The following ABL1 variants were observed in gnomAD, a reference collection of about 807,000 sequenced individuals.
ABL1 encodes the protein tyrosine-protein kinase ABL1.
Under a neutral mutation model 94.7 loss-of-function variants are expected in ABL1, and 11 were observed. That is an observed-to-expected ratio of 0.12 (90% confidence interval 0.07 to 0.19). The LOEUF (loss-of-function observed/expected upper bound fraction) is 0.19. Ranked by LOEUF, ABL1 falls within the 10% of genes least tolerant of loss-of-function variation. ABL1 has a pLI of 1.00. For missense variants in ABL1, 1,082 were observed against 1,489.4 expected, an observed-to-expected ratio of 0.73 and a Z score of 4.50; for synonymous variants, 656 against 622.4, an observed-to-expected ratio of 1.05 and a Z score of -0.80.
Position 130,886,781 on chromosome 9 carries a change from A to T in ABL1, c.*1098A>T, listed in dbSNP as rs1588284877. On this transcript the variant is annotated 3_prime_UTR_variant, in exon 11 of 11. Coordinates refer to ENST00000318560, the MANE Select transcript of ABL1 (RefSeq NM_005157.6). ...GCATTTCAAAGCCCTGCCTCTGTGT[A>T]GCCGCCCTGAGAGAGAATAGAGCTG... 8 of 233,496 alleles carry T rather than the reference A, an allele frequency of 3.4e-5. 1 individual carries two copies. The East Asian group carries it at 4.8e-4, about 14-fold the overall frequency. 14.5% of individuals were successfully genotyped at this position (233,496 alleles called of 1,614,324 possible). A position where few individuals can be genotyped will look rare whatever the true frequency, so the allele number is the denominator to read the frequency against.
At chr9:130,873,142 A>T in intron 6 of ABL1, 105 bp downstream of exon 6, 1 of 1,201,432 alleles carries the variant, frequency 8.3e-7, no homozygotes, top group Non-Finnish European at 1.1e-6. Context: ...CGCAGCTTCT[A>T]ACCTCAGTGC....
intron 1 of ABL1, among the ~76,000 whole-genome samples, chr9:130,838,452 A>G (rs1032805492): frequency 6.6e-6 from 1 of 152,230 alleles, no homozygotes; most frequent in Non-Finnish European, 1.5e-5. Flanking sequence ...CTTGTATGTA[A>G]GAAATCCTAA....
intron 1 of ABL1, among the ~76,000 whole-genome samples, chr9:130,743,331 C>G (rs554584061): frequency 2.6e-5 from 4 of 152,316 alleles, no homozygotes; most frequent in Admixed American, 1.3e-4. Flanking sequence ...TCTTGGCCTC[C>G]CAAAGTGCTG....
intron 1 of ABL1, among the ~76,000 whole-genome samples, chr9:130,740,898 C>G (rs1002143712): frequency 1.3e-5 from 2 of 149,964 alleles, no homozygotes; most frequent in African/African-American, 4.9e-5. Context: ...ATCCTCCTAC[C>G]TCGGCCTCAC....
At chr9:130,764,344 A>G (rs918161981) in intron 1 of ABL1, among the ~76,000 whole-genome samples, 3 of 152,208 alleles carry the variant, frequency 2.0e-5, no homozygotes. Flanking sequence ...TTCAAGTTTT[A>G]TTTCATTATT....
At chr9:130,779,729 G>A (rs1829731603) in intron 1 of ABL1, among the ~76,000 whole-genome samples, 1 of 152,112 alleles carries the variant, frequency 6.6e-6, no homozygotes, top group Admixed American at 6.5e-5. Context: ...GTGTTATGTG[G>A]GGAGTTACTT....
rs938024622 is a variant in ABL1, at chr9:130,876,793, G to A, written c.1271-1622G>A. Among the ~76,000 whole-genome samples, 11 of 133,942 alleles carry A rather than the reference G, an allele frequency of 8.2e-5. 1 individual carries two copies. Among genetic ancestry groups the A allele is most frequent in the Non-Finnish European group, 1.7e-4 (11 of 64,632 alleles). The allele number at this position is 133,942 out of a possible 152,430, so 87.9% of individuals were successfully genotyped here. A position where few individuals can be genotyped will look rare whatever the true frequency, so the allele number is the denominator to read the frequency against. ...ACTCTGTCGCCCAGGCTGGAGTGCA[G>A]TGGCATGATCTCAGCTCACTGCAAG... On this transcript the variant is annotated intron_variant, in intron 7 of 10. Transcript: ENST00000318560.
intron 1 of ABL1, among the ~76,000 whole-genome samples, chr9:130,776,692 C>T (rs7864799): frequency 0.4 from 61,076 of 151,798 alleles, 12,640 homozygotes; most frequent in Middle Eastern, 0.51. Context: ...GGGGGAGTTG[C>T]AGGGCTAGTG....
In ABL1 at chr9:130,880,532, C is replaced by T. The variant is rs759795929; in HGVS notation, c.1546C>T (p.Arg516Cys). The change falls in exon 10 of 11, where the codon CGT (arginine) becomes TGT (cysteine). Residue 516 changes from arginine (R) to cysteine (C), a missense_variant. By Grantham distance (180) the Arg-to-Cys change is radical. Around this residue, in one of 7 missense-constraint regions of ABL1, gnomAD observed 780 missense variants for 835.8 expected, o/e 0.93. Transcript: ENST00000318560. The surrounding 1 kb of genome is among the most constrained non-coding windows in gnomAD (Gnocchi z 4.4). ...AAAGGAGCTGGGGAAACAAGGCGTC[C>T]GTGGGGCTGTGAGTACCTTGCTGCA... Reference protein sequence around the residue: ...VEKELGKQGVRGAVSTLLQAP... With the variant: ...VEKELGKQGVCGAVSTLLQAP... 35 of 1,613,818 alleles carry T rather than the reference C, an allele frequency of 2.2e-5. No individual in the cohort carries two copies. The highest frequency in any genetic ancestry group is 3.3e-5 in the Admixed American group (2 of 59,964).
In ABL1 at chr9:130,862,611, G is replaced by A; in HGVS notation, c.550-152G>A. 1 of 854,630 alleles carries A rather than the reference G, an allele frequency of 1.2e-6. No individual in the cohort carries two copies. Among genetic ancestry groups the A allele is most frequent in the Non-Finnish European group, 1.8e-6 (1 of 567,542 alleles). The allele number at this position is 854,630 out of a possible 1,614,324, so 52.9% of individuals were successfully genotyped here. A position where few individuals can be genotyped will look rare whatever the true frequency, so the allele number is the denominator to read the frequency against. On this transcript the variant is annotated intron_variant, in intron 3 of 10. Transcript: ENST00000318560. The surrounding 1 kb of genome is among the most constrained non-coding windows in gnomAD (Gnocchi z 5.5). ...AGAGCACACGTAGAGAAAGACAGCA[G>A]AAGTGATCTTCTAAACACTCTGTCC...
chr9:130,766,422 G>C (rs145870659), intron 1 of ABL1, among the ~76,000 whole-genome samples: 1 of 152,340 alleles, frequency 6.6e-6, no homozygotes, highest in East Asian at 1.9e-4. Context: ...GGTGGCTTCT[G>C]ACAGGGAGCT....
At chr9:130,823,474 T>C (rs1433746917) in intron 1 of ABL1, among the ~76,000 whole-genome samples, 1 of 152,216 alleles carries the variant, frequency 6.6e-6, no homozygotes, top group Non-Finnish European at 1.5e-5. Context: ...ACAAGCGAGA[T>C]GCTTCTCTCT....
chr9:130,859,001 C>T (rs982730145), intron 3 of ABL1, among the ~76,000 whole-genome samples: 9 of 152,182 alleles, frequency 5.9e-5, no homozygotes, highest in South Asian at 2.1e-4. Context: ...AATACTAAAC[C>T]GAGCCGTTGC....
chr9:130,756,988 C>T (rs1268548005), intron 1 of ABL1, among the ~76,000 whole-genome samples: 1 of 152,180 alleles, frequency 6.6e-6, no homozygotes, highest in Non-Finnish European at 1.5e-5. Context: ...AGCTGTGCTC[C>T]AGAGCAGGGA....
intron 4 of ABL1, among the ~76,000 whole-genome samples, chr9:130,865,995 G>T (rs924010939): frequency 2.0e-5 from 3 of 152,120 alleles, no homozygotes; most frequent in African/African-American, 7.2e-5. Flanking sequence ...CAGCTCAGAG[G>T]AAATGCATAC....
intron 1 of ABL1, among the ~76,000 whole-genome samples, chr9:130,808,264 A>G (rs1354048821): frequency 2.4e-5 from 3 of 127,534 alleles, no homozygotes; most frequent in Admixed American, 8.3e-5. Flanking sequence ...TTTTTTTTGA[A>G]ATGGAGTCGT....
chr9:130,885,866 G>A lies in ABL1; in HGVS notation c.*183G>A, dbSNP rs987381171. 3 of 746,580 alleles carry A rather than the reference G, an allele frequency of 4.0e-6. No homozygotes were observed. Among genetic ancestry groups the A allele is most frequent in the Non-Finnish European group, 6.3e-6 (3 of 477,112 alleles). The allele number at this position is 746,580 out of a possible 1,614,324, so 46.2% of individuals were successfully genotyped here. On this transcript the variant is annotated 3_prime_UTR_variant, in exon 11 of 11. Coordinates refer to ENST00000318560, the MANE Select transcript of ABL1 (RefSeq NM_005157.6). ...TCTACTACCTACGTTTGCACCGCCTGCCCTCCCGCACCTTCCTCCTCCCCG... is the reference window on the plus strand; with the variant it reads ...TCTACTACCTACGTTTGCACCGCCTACCCTCCCGCACCTTCCTCCTCCCCG...
intron 1 of ABL1, among the ~76,000 whole-genome samples, chr9:130,762,628 C>A (rs1478155593): frequency 2.0e-5 from 3 of 151,936 alleles, no homozygotes; most frequent in South Asian, 2.1e-4. Flanking sequence ...CCTGAATAAT[C>A]TGGCTGGGCG....
At chr9:130,781,335 C>T (rs1829752692) in intron 1 of ABL1, among the ~76,000 whole-genome samples, 1 of 152,160 alleles carries the variant, frequency 6.6e-6, no homozygotes, top group Non-Finnish European at 1.5e-5. Context: ...AGTAATTCTC[C>T]ACCTCTCACT....
Sources: gnomAD v4.1 joint callset for allele counts (sites outside exome capture counted in the v4.1 genomes callset) on GRCh38, gnomAD v4.1.1 for gene constraint, gnomAD v4.1.1 regional missense constraint, Gnocchi (gnomAD v3.1) non-coding constraint, MANE v1.5 for transcripts, NCBI Gene and HGNC (gene_info 2026-07-23, HGNC 2026-07-21) for gene names.